OLFM1: variants seen among roughly 807,000 people sequenced by gnomAD.
The protein encoded by OLFM1 is noelin.
A neutral mutation model predicts 49.7 loss-of-function variants in OLFM1; 9 were observed. The observed-to-expected ratio is 0.18, with a 90% CI of 0.11 to 0.32. The LOEUF (loss-of-function observed/expected upper bound fraction) is 0.32. OLFM1 is among the 10% of genes least tolerant of loss of function. The pLI, the probability that OLFM1 is intolerant of heterozygous loss-of-function variation, is 1.00. For synonymous variants in OLFM1, 240 were observed against 271.8 expected (o/e 0.88, Z 1.15); for missense variants, 369 against 661.8 (o/e 0.56, Z 4.85).
At chr9:135,103,829 T>C (rs2119125632) in intron 4 of OLFM1, among the ~76,000 whole-genome samples, 1 of 152,262 alleles carries the variant, frequency 6.6e-6, no homozygotes, top group East Asian at 1.9e-4. Context: ...GTCCCTGCCC[T>C]AATTCTCACA....
intron 5 of OLFM1, among the ~76,000 whole-genome samples, chr9:135,118,170 A>C (rs1326717315): frequency 6.6e-6 from 1 of 152,212 alleles, no homozygotes; most frequent in Non-Finnish European, 1.5e-5. Context: ...AGCTTTCCAC[A>C]CAAGCCTGTT....
At chr9:135,077,615 C>T (rs1359543733) in intron 1 of OLFM1, among the ~76,000 whole-genome samples, 1 of 152,210 alleles carries the variant, frequency 6.6e-6, no homozygotes, top group Non-Finnish European at 1.5e-5. Context: ...CTCCGCCAGC[C>T]CACAGCCTCC....
rs1279001450 is a variant in OLFM1, at chr9:135,088,290, G to T, written c.150+151G>T. 6.6e-6 allele frequency among the ~76,000 whole-genome samples: 1 copy of T among 151,682 alleles called. No homozygotes were observed. The highest frequency in any genetic ancestry group is 2.4e-5 in the African/African-American group (1 of 41,358). On this transcript the variant is annotated intron_variant, in intron 1 of 5. Coordinates refer to ENST00000371793, the MANE Select transcript of OLFM1 (RefSeq NM_001282611.2). The surrounding 1 kb of genome is among the most constrained non-coding windows in gnomAD (Gnocchi z 4.8). ...AGCAGGGCGGGCAAGGGCAGGCGTC[G>T]CGGGCCGGCGCAGCGGTGGCGACCC...
At chr9:135,091,294 C>A (rs1179805333) in intron 2 of OLFM1, among the ~76,000 whole-genome samples, 1 of 152,230 alleles carries the variant, frequency 6.6e-6, no homozygotes, top group Non-Finnish European at 1.5e-5. Flanking sequence ...ACCAAGGGAA[C>A]AAGGAGGAAT....
chr9:135,088,087 A>G lies in OLFM1; in HGVS notation c.98A>G (p.Asn33Ser), dbSNP rs940406916. 6 of 1,439,802 alleles carry G rather than the reference A, an allele frequency of 4.2e-6. No individual in the cohort carries two copies. The highest frequency in any genetic ancestry group is 2.8e-6 in the Non-Finnish European group (3 of 1,083,266). 89.2% of individuals were successfully genotyped at this position (1,439,802 alleles called of 1,614,324 possible). Reference protein sequence around the residue: ...SQTLPSLVGLNTTKLSAAGGG... With the variant: ...SQTLPSLVGLSTTKLSAAGGG... ...ACGCTGCCCTCGCTGGTGGGCCTCA[A>G]CACCACCAAGCTCTCGGCGGCCGGC... The change falls in exon 1 of 6, where the codon AAC (asparagine) becomes AGC (serine). Residue 33 changes from asparagine to serine, a missense_variant. This residue lies in a region of OLFM1 where 55 missense variants were observed against 53.3 expected (regional missense o/e 1.03). Transcript: ENST00000371793. This position sits in a 1 kb window ranked among gnomAD's most constrained non-coding sequence, Gnocchi z 4.8.
chr9:135,112,811 C>T (rs927457506), intron 5 of OLFM1, among the ~76,000 whole-genome samples: 2 of 152,066 alleles, frequency 1.3e-5, no homozygotes, highest in South Asian at 2.1e-4. Context: ...CACATGGGGC[C>T]GCCAAGTGAG....
chr9:135,092,370 G>A (rs1310210308), intron 2 of OLFM1, among the ~76,000 whole-genome samples: 4 of 152,150 alleles, frequency 2.6e-5, no homozygotes, highest in Admixed American at 1.3e-4. Flanking sequence ...ATCATGGTAC[G>A]CAGGGCAACT....
intron 4 of OLFM1, chr9:135,106,538 GCT>G: frequency 1.7e-6 from 1 of 571,942 alleles, no homozygotes; most frequent in South Asian, 2.1e-5. Flanking sequence ...GGCCACAGCT[GCT>G]CTGTTTTGGG....
At chr9:135,100,391 G>A (rs993659481) in intron 4 of OLFM1, among the ~76,000 whole-genome samples, 2 of 152,192 alleles carry the variant, frequency 1.3e-5, no homozygotes, top group East Asian at 1.9e-4. Flanking sequence ...TCACATGGCC[G>A]TCCTTGGGCT....
At position 135,113,190 on chromosome 9, in the gene OLFM1, C is replaced by T. The variant is rs894675963; in HGVS notation, c.784-6314C>T. Among the ~76,000 whole-genome samples, 2 of 152,142 alleles carry T rather than the reference C, an allele frequency of 1.3e-5. No individual in the cohort carries two copies. Among genetic ancestry groups the T allele is most frequent in the African/African-American group, 4.8e-5 (2 of 41,438 alleles). On this transcript the variant is annotated intron_variant, in intron 5 of 5. Transcript: ENST00000371793. The surrounding 1 kb of genome is among the most constrained non-coding windows in gnomAD (Gnocchi z 4.0). Reference sequence around the variant, plus strand: ...ATTTGGGGACGGGGTCCCTAAGCCTCTGTGACTCTGTGGAGGGATGGGTGT... The same window carrying T: ...ATTTGGGGACGGGGTCCCTAAGCCTTTGTGACTCTGTGGAGGGATGGGTGT...
Position 135,098,025 on chromosome 9 carries a change from A to G in OLFM1, c.457-261A>G. On this transcript the variant is annotated intron_variant, in intron 3 of 5. Transcript: ENST00000371793. The surrounding 1 kb of genome is among the most constrained non-coding windows in gnomAD (Gnocchi z 5.6). ...TGCATTTTTTGAAAAAGAAAGAAAA[A>G]AAAAACTTCGTGTATGTGACTCAAA... 1 of 1,419,654 alleles carries G rather than the reference A, an allele frequency of 7.0e-7. No individual in the cohort carries two copies. Among genetic ancestry groups the G allele is most frequent in the Non-Finnish European group, 9.1e-7 (1 of 1,094,794 alleles). 87.9% of individuals were successfully genotyped at this position (1,419,654 alleles called of 1,614,324 possible). A position where few individuals can be genotyped will look rare whatever the true frequency, so the allele number is the denominator to read the frequency against.
At chr9:135,076,010 C>T (rs903980209) in intron 1 of OLFM1, 3 of 1,443,460 alleles carry the variant, frequency 2.1e-6, no homozygotes, top group African/African-American at 2.9e-5. Context: ...GACGGCGCTC[C>T]TCCAGCCCCG....
At position 135,117,864 on chromosome 9, in the gene OLFM1, A is replaced by C. The variant is rs927839533; in HGVS notation, c.784-1640A>C. ...CCTGTGTGTCCCATCCCAAATTCCCACTAGATCCTTTCTTCAAACTGTGTG... is the reference window on the plus strand; with the variant it reads ...CCTGTGTGTCCCATCCCAAATTCCCCCTAGATCCTTTCTTCAAACTGTGTG... On this transcript the variant is annotated intron_variant, in intron 5 of 5. Transcript: ENST00000371793. The surrounding 1 kb of genome is among the most constrained non-coding windows in gnomAD (Gnocchi z 5.5). 6.6e-6 allele frequency among the ~76,000 whole-genome samples: 1 copy of C among 152,074 alleles called. No homozygotes were observed. Among genetic ancestry groups the C allele is most frequent in the South Asian group, 2.1e-4 (1 of 4,824 alleles).
At chr9:135,112,141 A>G (rs1831031868) in intron 5 of OLFM1, among the ~76,000 whole-genome samples, 1 of 152,178 alleles carries the variant, frequency 6.6e-6, no homozygotes, top group Non-Finnish European at 1.5e-5. Context: ...AGCTCATGGC[A>G]CACAGCAGCC....
At chr9:135,110,754 C>T (rs1310667063) in intron 5 of OLFM1, among the ~76,000 whole-genome samples, 1 of 152,192 alleles carries the variant, frequency 6.6e-6, no homozygotes, top group Non-Finnish European at 1.5e-5. Context: ...GCCAGCATCC[C>T]CCCCACCTCT....
intron 3 of OLFM1, chr9:135,097,921 A>G: frequency 4.0e-6 from 6 of 1,514,638 alleles, no homozygotes; most frequent in Non-Finnish European, 5.3e-6. Context: ...CATTTCACTA[A>G]GGAACCTTGA....
chr9:135,106,575 G>T, intron 4 of OLFM1, 174 bp from the exon 5 acceptor site: 1 of 590,550 alleles, frequency 1.7e-6, no homozygotes, highest in Non-Finnish European at 3.0e-6. Context: ...TCCGAGAGTG[G>T]GGGAGTTGTC....
intron 5 of OLFM1, among the ~76,000 whole-genome samples, chr9:135,112,434 C>T (rs895898641): frequency 1.3e-5 from 2 of 152,232 alleles, no homozygotes; most frequent in East Asian, 1.9e-4. Flanking sequence ...TGCGTGGAGC[C>T]ATGGCCCCTC....
chr9:135,076,859 G>A, intron 1 of OLFM1: 1 of 1,550,532 alleles, frequency 6.4e-7, no homozygotes, highest in Non-Finnish European at 8.7e-7. Context: ...CAGAGAGCGA[G>A]AGGAAGACCA....
Sources: gnomAD v4.1 joint callset for allele counts (sites outside exome capture counted in the v4.1 genomes callset) on GRCh38, gnomAD v4.1.1 for gene constraint, gnomAD v4.1.1 regional missense constraint, Gnocchi (gnomAD v3.1) non-coding constraint, MANE v1.5 for transcripts, NCBI Gene and HGNC (gene_info 2026-07-23, HGNC 2026-07-21) for gene names.